Variants in HERC5 observed in about 807,000 individuals in gnomAD.
HERC5 encodes the protein HECT and RLD domain containing E3 ubiquitin protein ligase 5.
A neutral mutation model predicts 119.6 loss-of-function variants in HERC5; 99 were observed. That is an observed-to-expected ratio of 0.83 (90% CI 0.70 to 0.98). The LOEUF is 0.98. Ranked by LOEUF, HERC5 falls within the 50% of genes least tolerant of loss-of-function variation. The pLI is 0.00. For synonymous variants in HERC5, 478 were observed against 445.9 expected (o/e 1.07, Z -0.91); for missense variants, 1,267 against 1,241.3 (o/e 1.02, Z -0.31).
At chr4:88,494,121 G>T (rs1741733332) in intron 17 of HERC5, 44 bp from the exon 18 acceptor site, 2 of 1,256,980 alleles carry the variant, frequency 1.6e-6, no homozygotes, top group African/African-American at 3.0e-5. Context: ...TCATTGTACT[G>T]GTAAAAACTC....
At chr4:88,469,427 C>T (rs1291563438) in intron 9 of HERC5, among the ~76,000 whole-genome samples, 167 bp downstream of exon 9, 3 of 152,174 alleles carry the variant, frequency 2.0e-5, no homozygotes, top group South Asian at 2.1e-4. Context: ...TCATGTCTGT[C>T]TGTCCATCTA....
rs376853356 is a variant in HERC5 at position 88,494,830 on chromosome 4, C to T, written c.2444+499C>T. On this transcript the variant is annotated intron_variant, in intron 18 of 22. Transcript: ENST00000264350. ...TGGCAAAGAAGCAATAGAAATGCTT[C>T]CTAAATAAAAATGTCTTCAATCTCA... Among the ~76,000 whole-genome samples, 155 of 152,296 alleles carry T rather than the reference C, an allele frequency of 1.0e-3. 2 individuals are homozygous for T. The South Asian group carries it at 0.03, about 29-fold the overall frequency.
chr4:88,457,184 C>G lies in HERC5; in HGVS notation c.-86C>G, dbSNP rs1335024229. ...CGCAGCTGGTTCCCGCTCTGCAGCG[C>G]AACGCCTGAGGCAGTGGGCGCGCTC... On this transcript the variant is annotated 5_prime_UTR_variant, in exon 1 of 23. Transcript: ENST00000264350. 1 of 1,238,366 alleles carries G rather than the reference C, an allele frequency of 8.1e-7. No individual in the cohort carries two copies. Among genetic ancestry groups the G allele is most frequent in the African/African-American group, 1.6e-5 (1 of 64,482 alleles). The allele number at this position is 1,238,366 out of a possible 1,614,324, so 76.7% of individuals were successfully genotyped here.
In HERC5 at chr4:88,457,401, C is replaced by G. The variant is rs1315123530; in HGVS notation, c.132C>G (p.Arg44=). 2 of 1,397,396 alleles carry G rather than the reference C, an allele frequency of 1.4e-6. No individual in the cohort carries two copies. Among genetic ancestry groups the G allele is most frequent in the East Asian group, 3.0e-5 (1 of 33,620 alleles). The allele number at this position is 1,397,396 out of a possible 1,614,324, so 86.6% of individuals were successfully genotyped here. A position where few individuals can be genotyped will look rare whatever the true frequency, so the allele number is the denominator to read the frequency against. The change falls in exon 1 of 23, where the codon CGC becomes CGG. Residue 44 remains arginine, a synonymous_variant. Transcript: ENST00000264350. ...WLFPSAAGLH[R]ALLRRVEVTR... ...TTCCCAGCGCCGCGGGCCTCCACCG[C>G]GCGCTGCTCCGGAGGGTGGAGGTGA...
Position 88,457,273 on chromosome 4 carries a change from G to C in HERC5, c.4G>C (p.Glu2Gln). The change falls in exon 1 of 23, where the codon GAG (glutamate) becomes CAG (glutamine). Residue 2 changes from glutamate (E) to glutamine (Q), a missense_variant. Coordinates refer to ENST00000264350, the MANE Select transcript of HERC5 (RefSeq NM_016323.4). ...CCTGGGACCCCGCAAAGCGGCGATG[G>C]AGCGGAGGTCGCGGAGGAAGTCGCG... M[E>Q]RRSRRKSRRN... is the part of the protein sequence containing the mutation. 7.4e-7 allele frequency: 1 copy of C among 1,347,650 alleles called. No homozygotes were observed. The highest frequency in any genetic ancestry group is 3.1e-5 in the East Asian group (1 of 32,440). The allele number at this position is 1,347,650 out of a possible 1,614,324, so 83.5% of individuals were successfully genotyped here.
intron 3 of HERC5, 111 bp from the exon 4 acceptor site, chr4:88,462,024 C>G: frequency 1.1e-6 from 1 of 892,518 alleles, no homozygotes; most frequent in Admixed American, 2.1e-5. Context: ...ACCATCAGTG[C>G]AAAGGTACAA....
intron 18 of HERC5, 137 bp from the exon 19 acceptor site, chr4:88,499,789 A>T (rs1319834277): frequency 3.4e-6 from 2 of 586,318 alleles, no homozygotes; most frequent in African/African-American, 3.7e-5. Context: ...GACTATCAGT[A>T]CGCAGAGAAA....
chr4:88,478,618 A>AT (rs910765493), intron 12 of HERC5, among the ~76,000 whole-genome samples: 109 of 148,392 alleles, frequency 7.3e-4, no homozygotes, highest in Middle Eastern at 7.0e-3. Context: ...TTAAAAAAAT[A>AT]TTTTTTTTTT....
intron 16 of HERC5, among the ~76,000 whole-genome samples, chr4:88,492,195 G>A (rs1216276736): frequency 1.3e-5 from 2 of 151,488 alleles, no homozygotes. Context: ...GTAGAGACGG[G>A]GTTTCACCAT....
At chr4:88,503,917 A>G (rs748634127) in intron 20 of HERC5, among the ~76,000 whole-genome samples, 1 of 152,120 alleles carries the variant, frequency 6.6e-6, no homozygotes, top group African/African-American at 2.4e-5. Flanking sequence ...ATACAAAAAA[A>G]TTAGCTGGGC....
intron 13 of HERC5, among the ~76,000 whole-genome samples, chr4:88,479,825 T>C (rs904600794): frequency 6.6e-6 from 1 of 152,084 alleles, no homozygotes; most frequent in African/African-American, 2.4e-5. Context: ...CCTAGCACTT[T>C]AGGAGGCCAA....
intron 1 of HERC5, among the ~76,000 whole-genome samples, chr4:88,458,270 G>A (rs1326729199): frequency 1.3e-5 from 2 of 152,020 alleles, no homozygotes; most frequent in Non-Finnish European, 2.9e-5. Flanking sequence ...TGTTTTTAGT[G>A]CATTTTTTGG....
intron 18 of HERC5, among the ~76,000 whole-genome samples, chr4:88,495,493 G>A (rs1741771668): frequency 6.6e-6 from 1 of 152,142 alleles, no homozygotes; most frequent in Non-Finnish European, 1.5e-5. Flanking sequence ...TCAGGAGGTC[G>A]AAGCTGCAGT....
In HERC5 at chr4:88,488,037, T is replaced by G. The variant is rs757050596; in HGVS notation, c.1962+858T>G. 2.6e-5 allele frequency among the ~76,000 whole-genome samples: 4 copies of G among 152,114 alleles called. No individual in the cohort carries two copies. The South Asian group carries it at 8.3e-4, about 32-fold the overall frequency. ...ATTTACCATAATAAAAATGGGAAATTGATTTATGAGTTCTGAGTATGACTG... is the reference window on the plus strand; with the variant it reads ...ATTTACCATAATAAAAATGGGAAATGGATTTATGAGTTCTGAGTATGACTG... On this transcript the variant is annotated intron_variant, in intron 15 of 22. Transcript: ENST00000264350.
chr4:88,466,074 G>A (rs2149088622), intron 6 of HERC5, among the ~76,000 whole-genome samples: 1 of 149,382 alleles, frequency 6.7e-6, no homozygotes, highest in Admixed American at 6.6e-5. Context: ...GTCAAGAGTT[G>A]TTTTTGGTTT....
At chr4:88,483,690 G>T (rs1288772042) in intron 13 of HERC5, among the ~76,000 whole-genome samples, 1 of 151,774 alleles carries the variant, frequency 6.6e-6, no homozygotes, top group Non-Finnish European at 1.5e-5. Context: ...CACCCCACTT[G>T]GCTAATTTTT....
intron 13 of HERC5, among the ~76,000 whole-genome samples, chr4:88,481,700 A>T (rs1002400730): frequency 6.6e-6 from 1 of 152,176 alleles, no homozygotes; most frequent in Non-Finnish European, 1.5e-5. Flanking sequence ...GCAGCTATTC[A>T]GTTGTTCAGG....
At chr4:88,473,247 C>T (rs926143150) in intron 11 of HERC5, 1 of 151,842 alleles carries the variant, frequency 6.6e-6, no homozygotes, top group African/African-American at 2.4e-5. Context: ...TTCTACTCTC[C>T]ATTTTTTTCT....
chr4:88,499,852 G>T, intron 18 of HERC5, 74 bp from the exon 19 acceptor site: 1 of 1,032,820 alleles, frequency 9.7e-7, no homozygotes, highest in South Asian at 1.3e-5. Context: ...CTATACACTT[G>T]ACATTTATTT....
Sources: gnomAD v4.1 joint callset for allele counts (sites outside exome capture counted in the v4.1 genomes callset) on GRCh38, gnomAD v4.1.1 for gene constraint, MANE v1.5 for transcripts, NCBI Gene and HGNC (gene_info 2026-07-23, HGNC 2026-07-21) for gene names.